The following MCTP1 variants were observed in gnomAD, a reference collection of about 807,000 sequenced individuals.
MCTP1 encodes multiple C2 and transmembrane domain-containing protein 1.
In MCTP1, 69 loss-of-function variants were observed where a neutral mutation model predicts 120.6. That is an observed-to-expected ratio of 0.57 (90% CI 0.47 to 0.70). The LOEUF (loss-of-function observed/expected upper bound fraction) is 0.70. MCTP1 is among the 30% of genes least tolerant of loss of function. MCTP1 has a pLI of 0.00. For missense variants in MCTP1, 1,203 were observed against 1,248.8 expected (o/e 0.96, Z 0.55); for synonymous variants, 529 against 493.1 (o/e 1.07, Z -0.96).
In MCTP1 at chr5:95,103,123, T is replaced by C. The variant is rs746903119; in HGVS notation, c.721-85639A>G. Among the ~76,000 whole-genome samples the C allele has an allele frequency of 8.0e-4, 121 of 151,470 alleles. 1 individual carries two copies. The highest frequency in any genetic ancestry group is 5.5e-3 in the Admixed American group (84 of 15,214). ...GTTATTATTGTTTTATTAATATTTA[T>C]TATTTATTATTATATTATTATTGTC... On this transcript the variant is annotated intron_variant, in intron 1 of 22. Transcript: ENST00000515393.
intron 2 of MCTP1, among the ~76,000 whole-genome samples, chr5:94,976,021 A>C (rs1828014389): frequency 6.6e-6 from 1 of 152,124 alleles, no homozygotes; most frequent in Non-Finnish European, 1.5e-5. Flanking sequence ...CATAATAACA[A>C]CACAACCTAA....
At chr5:95,200,696 G>A (rs537990959) in intron 1 of MCTP1, among the ~76,000 whole-genome samples, 20 of 152,312 alleles carry the variant, frequency 1.3e-4, no homozygotes, top group African/African-American at 4.8e-4. Flanking sequence ...TAAAATTTCA[G>A]TTAGATAAAA....
At chr5:95,280,647 G>C (rs922990434) in intron 1 of MCTP1, among the ~76,000 whole-genome samples, 8 of 152,096 alleles carry the variant, frequency 5.3e-5, no homozygotes, top group African/African-American at 1.9e-4. Context: ...GGAAGAAAGG[G>C]ATATTTTTTT....
At chr5:95,208,847 C>A (rs1751988405) in intron 1 of MCTP1, among the ~76,000 whole-genome samples, 2 of 152,126 alleles carry the variant, frequency 1.3e-5, no homozygotes, top group South Asian at 4.1e-4. Context: ...ATCCATTAAT[C>A]AGCAAAGCCA....
chr5:94,826,772 CTTTTTTTTTTTTTTT>C lies in MCTP1; in HGVS notation c.2437-27655_2437-27641del, dbSNP rs61324420. ...TCAGAGAGTAGGGTTGTGACCCCTG[CTTTTTTTTTTTTTTT>C]TTTTTTTTTTTTTTTTTTTGCTTTT... On this transcript the variant is annotated intron_variant, in intron 17 of 22. Coordinates refer to ENST00000515393, the MANE Select transcript of MCTP1 (RefSeq NM_024717.7). The C allele has an allele frequency of 5.8e-4, 25 of 43,010 alleles. No individual in the cohort carries two copies. The South Asian group carries it at 7.6e-3, about 13-fold the overall frequency. 2.7% of individuals were successfully genotyped at this position (43,010 alleles called of 1,614,324 possible). A position where few individuals can be genotyped will look rare whatever the true frequency, so the allele number is the denominator to read the frequency against.
At chr5:95,055,067 G>A (rs140376795) in intron 1 of MCTP1, among the ~76,000 whole-genome samples, 1 of 152,230 alleles carries the variant, frequency 6.6e-6, no homozygotes, top group African/African-American at 2.4e-5. Flanking sequence ...TGCCTCAGCG[G>A]CTATAATACA....
chr5:94,797,970 A>G (rs1175202217), intron 18 of MCTP1, among the ~76,000 whole-genome samples: 2 of 152,064 alleles, frequency 1.3e-5, no homozygotes, highest in Non-Finnish European at 2.9e-5. Flanking sequence ...GGTTACTATT[A>G]AGTATTATAT....
Position 95,072,846 on chromosome 5 carries a change from C to T in MCTP1, c.721-55362G>A, listed in dbSNP as rs530720564. 5.4e-5 allele frequency among the ~76,000 whole-genome samples: 8 copies of T among 148,930 alleles called. No homozygotes were observed. In the South Asian group the frequency reaches 1.7e-3, roughly 32 times the overall value. Reference sequence around the variant, plus strand: ...CTGCAAGCTCTGCCTCCCGGGTTCACGCCTTTCTCCTGCCTCAGCCTCCCG... The same window carrying T: ...CTGCAAGCTCTGCCTCCCGGGTTCATGCCTTTCTCCTGCCTCAGCCTCCCG... On this transcript the variant is annotated intron_variant, in intron 1 of 22. Coordinates refer to ENST00000515393, the MANE Select transcript of MCTP1 (RefSeq NM_024717.7).
chr5:94,953,408 A>G (rs745608689), intron 2 of MCTP1, 47 bp from the exon 3 acceptor site: 19 of 1,454,276 alleles, frequency 1.3e-5, no homozygotes, highest in African/African-American at 1.4e-5. Flanking sequence ...CTTGGTTTGG[A>G]AGCAAGAGAA....
intron 17 of MCTP1, among the ~76,000 whole-genome samples, chr5:94,799,594 A>G (rs1165642450): frequency 2.0e-5 from 3 of 152,168 alleles, no homozygotes; most frequent in African/African-American, 7.2e-5. Context: ...AGATGAAAAT[A>G]CCAGGTCTAC....
intron 1 of MCTP1, among the ~76,000 whole-genome samples, chr5:95,170,213 G>C (rs972320226): frequency 1.3e-5 from 2 of 152,202 alleles, no homozygotes; most frequent in African/African-American, 4.8e-5. Context: ...CCATGTAGTT[G>C]AGTGGTTTTC....
chr5:94,788,723 G>A (rs997347672), intron 18 of MCTP1: 2 of 151,262 alleles, frequency 1.3e-5, no homozygotes, highest in Non-Finnish European at 2.9e-5. Context: ...TCTGCCAAGA[G>A]GAGAGTGCAA....
intron 19 of MCTP1, among the ~76,000 whole-genome samples, chr5:94,767,365 T>C (rs1440818700): frequency 6.6e-6 from 1 of 152,172 alleles, no homozygotes; most frequent in Admixed American, 6.5e-5. Flanking sequence ...AAGACAATGA[T>C]GCCCCTGTTC....
chr5:94,736,509 C>T (rs1013032754), intron 19 of MCTP1, among the ~76,000 whole-genome samples: 1 of 152,142 alleles, frequency 6.6e-6, no homozygotes, highest in East Asian at 1.9e-4. Flanking sequence ...GGGGGGGATC[C>T]TTTTGTGATA....
At position 94,775,885 on chromosome 5, in the gene MCTP1, T is replaced by C. The variant is rs534789998; in HGVS notation, c.2610+3225A>G. On this transcript the variant is annotated intron_variant, in intron 19 of 22. Transcript: ENST00000515393. Reference sequence around the variant, plus strand: ...GGATCACAAACCCTCACCTGAATAATGATTAGCTCTTTGAATAAAAAACAA... The same window carrying C: ...GGATCACAAACCCTCACCTGAATAACGATTAGCTCTTTGAATAAAAAACAA... Among the ~76,000 whole-genome samples the C allele has an allele frequency of 9.3e-5, 14 of 150,008 alleles. No homozygotes were observed. The South Asian group carries it at 1.7e-3, about 18-fold the overall frequency.
chr5:94,948,335 A>G (rs1035426868), intron 3 of MCTP1, among the ~76,000 whole-genome samples: 1 of 152,190 alleles, frequency 6.6e-6, no homozygotes, highest in African/African-American at 2.4e-5. Context: ...GGTAGTAACC[A>G]TTACTATGAT....
chr5:94,932,979 C>T (rs373471678), intron 5 of MCTP1, among the ~76,000 whole-genome samples: 1 of 151,900 alleles, frequency 6.6e-6, no homozygotes, highest in South Asian at 2.1e-4. Flanking sequence ...AAGATGAGGG[C>T]AACCTTTAAC....
intron 1 of MCTP1, among the ~76,000 whole-genome samples, chr5:95,028,962 C>G (rs1839797045): frequency 6.6e-6 from 1 of 152,050 alleles, no homozygotes; most frequent in Admixed American, 6.5e-5. Flanking sequence ...AGTTCGAGAC[C>G]AGCCTGACCA....
At chr5:94,942,456 T>G (rs1817948001) in intron 3 of MCTP1, 29 bp from the exon 4 acceptor site, 1 of 1,479,914 alleles carries the variant, frequency 6.8e-7, no homozygotes, top group Non-Finnish European at 9.4e-7. Context: ...AAAGCCTTGT[T>G]ATAAATATCT....
Sources: allele counts gnomAD v4.1 joint callset (sites outside exome capture counted in the v4.1 genomes callset), GRCh38; gene constraint gnomAD v4.1.1; transcripts MANE v1.5; gene names NCBI Gene and HGNC (gene_info 2026-07-23, HGNC 2026-07-21).